Variants in ASAP2 observed in about 807,000 individuals in gnomAD.
ASAP2 encodes arf-GAP with SH3 domain, ANK repeat and PH domain-containing protein 2.
Under a neutral mutation model 131.4 loss-of-function variants are expected in ASAP2, and 45 were observed. The ratio of observed to expected loss-of-function variants is 0.34; its 90% CI spans 0.27 to 0.44. ASAP2 has a LOEUF of 0.44. Among genes scored for constraint, ASAP2 ranks in the 20% least tolerant of loss-of-function variants. ASAP2 has a pLI of 1.00. For missense variants in ASAP2, 1,011 were observed against 1,297.0 expected, an observed-to-expected ratio of 0.78 and a Z score of 3.39; for synonymous variants, 510 against 503.0, an observed-to-expected ratio of 1.01 and a Z score of -0.19.
At chr2:9,390,544 C>T (rs143629144) in intron 22 of ASAP2, among the ~76,000 whole-genome samples, 112 of 152,338 alleles carry the variant, frequency 7.4e-4, no homozygotes, top group African/African-American at 2.6e-3. Context: ...TGTCTGCTTC[C>T]AGCCAGAAAT....
At chr2:9,374,663 G>T (rs951577746) in intron 16 of ASAP2, 92 bp from the exon 17 acceptor site, 2 of 1,261,114 alleles carry the variant, frequency 1.6e-6, no homozygotes, top group Non-Finnish European at 1.1e-6. Context: ...GGGACATGGC[G>T]CAGGAACCGT....
At chr2:9,263,531 A>G (rs1042636565) in intron 1 of ASAP2, among the ~76,000 whole-genome samples, 1 of 152,230 alleles carries the variant, frequency 6.6e-6, no homozygotes, top group Non-Finnish European at 1.5e-5. Flanking sequence ...GCCTTTTGAC[A>G]GAATTGGAGT....
In ASAP2 at chr2:9,385,319, C is replaced by G; in HGVS notation, c.2091C>G (p.Asp697Glu). The G allele has an allele frequency of 6.2e-7, 1 of 1,614,186 alleles. No homozygotes were observed. The highest frequency in any genetic ancestry group is 8.5e-7 in the Non-Finnish European group (1 of 1,180,000). Residue 697 changes from aspartate to glutamate, a missense_variant, in exon 21 of 28, where the codon GAC becomes GAG. Coordinates refer to ENST00000281419, the MANE Select transcript of ASAP2 (RefSeq NM_003887.3). Reference protein sequence around the residue: ...VEYEWRLLHEDLDESDDDMDE... With the variant: ...VEYEWRLLHEELDESDDDMDE... ...ATGAATGGCGACTACTCCACGAAGA[C>G]CTGGATGAAAGTGATGACGACATGG...
chr2:9,388,466 G>T lies in ASAP2; in HGVS notation c.2303G>T (p.Ser768Ile), dbSNP rs1171053543. 1.2e-6 allele frequency: 2 copies of T among 1,614,108 alleles called. No individual in the cohort carries two copies. The highest frequency in any genetic ancestry group is 4.5e-5 in the East Asian group (2 of 44,880). Reference protein sequence around the residue: ...LQNETYGALLSGSPPPAQPAA... With the variant: ...LQNETYGALLIGSPPPAQPAA... The stretch of plus-strand genomic sequence containing the variant: ...AATGAGACTTACGGAGCCCTCCTGA[G>T]TGGCAGCCCACCTCCCGCCCAGCCT... The change falls in exon 22 of 28, where the codon AGT (serine) becomes ATT (isoleucine). Residue 768 changes from serine to isoleucine, a missense_variant. Ser to Ile is a moderately radical substitution (Grantham distance 142). This residue lies in a region of ASAP2 where 652 missense variants were observed against 698.9 expected (regional missense o/e 0.93). Coordinates refer to ENST00000281419, the MANE Select transcript of ASAP2 (RefSeq NM_003887.3).
At chr2:9,344,255 A>G (rs969243090) in intron 9 of ASAP2, among the ~76,000 whole-genome samples, 11 of 152,110 alleles carry the variant, frequency 7.2e-5, no homozygotes, top group African/African-American at 2.2e-4. Flanking sequence ...AAGGCTCGTA[A>G]TGAAATAAAA....
At chr2:9,317,561 C>T (rs1669837586) in intron 3 of ASAP2, among the ~76,000 whole-genome samples, 2 of 125,200 alleles carry the variant, frequency 1.6e-5, no homozygotes, top group South Asian at 4.6e-4. Flanking sequence ...TCCACAATCA[C>T]ACTCTCACAC....
intron 11 of ASAP2, among the ~76,000 whole-genome samples, chr2:9,348,277 C>A (rs1261510864): frequency 6.6e-6 from 1 of 151,472 alleles, no homozygotes; most frequent in Admixed American, 6.6e-5. Context: ...CCACCATGCC[C>A]AGCTAATTTT....
At chr2:9,324,623 C>T (rs1247880668) in intron 6 of ASAP2, among the ~76,000 whole-genome samples, 1 of 152,182 alleles carries the variant, frequency 6.6e-6, no homozygotes, top group Non-Finnish European at 1.5e-5. Context: ...AATTGTACCA[C>T]TCCCCCAGTA....
intron 20 of ASAP2, among the ~76,000 whole-genome samples, chr2:9,382,070 G>A (rs940450930): frequency 2.9e-5 from 4 of 139,668 alleles, no homozygotes; most frequent in Middle Eastern, 4.0e-3. Flanking sequence ...TGCAACCTCC[G>A]CCTCCCAGGT....
At chr2:9,301,603 C>T (rs1401986288) in intron 3 of ASAP2, among the ~76,000 whole-genome samples, 1 of 152,078 alleles carries the variant, frequency 6.6e-6, no homozygotes, top group East Asian at 1.9e-4. Context: ...TCTCTGTCTC[C>T]AGTGTTAGAG....
At chr2:9,260,040 T>A in intron 1 of ASAP2, among the ~76,000 whole-genome samples, 1 of 98,638 alleles carries the variant, frequency 1.0e-5, no homozygotes, top group East Asian at 2.0e-4. Flanking sequence ...GGCTGGCCTC[T>A]CCCCGAGTCA....
intron 4 of ASAP2, 60 bp downstream of exon 4, chr2:9,318,658 C>A: frequency 2.4e-6 from 3 of 1,241,774 alleles, no homozygotes; most frequent in South Asian, 1.4e-5. Flanking sequence ...GTCACAGTAG[C>A]TTGGCCTGCC....
intron 1 of ASAP2, among the ~76,000 whole-genome samples, chr2:9,270,952 C>T (rs986882341): frequency 3.3e-5 from 5 of 151,690 alleles, no homozygotes; most frequent in African/African-American, 7.3e-5. Flanking sequence ...GCCACTACGC[C>T]CGGCTAATTT....
chr2:9,219,452 C>A (rs930995940), intron 1 of ASAP2, among the ~76,000 whole-genome samples: 5 of 152,160 alleles, frequency 3.3e-5, no homozygotes, highest in African/African-American at 1.2e-4. Context: ...GTTCTCTGAC[C>A]ATCCTCCCTG....
chr2:9,345,108 C>A (rs16866995), intron 11 of ASAP2, among the ~76,000 whole-genome samples: 1,884 of 151,760 alleles, frequency 0.012, 35 homozygotes, highest in African/African-American at 0.044. Flanking sequence ...GCCAGGTTGT[C>A]TTTATTTAGA....
chr2:9,403,576 G>T lies in ASAP2; in HGVS notation c.*249G>T. On this transcript the variant is annotated 3_prime_UTR_variant, in exon 28 of 28. Transcript: ENST00000281419. ...AATTTCCCAACAGGTGAACTGAAAA[G>T]TTATTTTAACTATTATACATAATCA... 2.0e-6 allele frequency: 1 copy of T among 490,636 alleles called. No homozygotes were observed. Among genetic ancestry groups the T allele is most frequent in the South Asian group, 2.9e-5 (1 of 33,958 alleles). 30.4% of individuals were successfully genotyped at this position (490,636 alleles called of 1,614,324 possible). A position where few individuals can be genotyped will look rare whatever the true frequency, so the allele number is the denominator to read the frequency against.
intron 12 of ASAP2, among the ~76,000 whole-genome samples, chr2:9,355,473 A>G (rs1672634874): frequency 6.6e-6 from 1 of 152,200 alleles, no homozygotes; most frequent in Non-Finnish European, 1.5e-5. Context: ...TGCTGCACAC[A>G]CACACAGGTC....
chr2:9,245,605 T>C (rs1664283931), intron 1 of ASAP2, among the ~76,000 whole-genome samples: 1 of 152,206 alleles, frequency 6.6e-6, no homozygotes, highest in African/African-American at 2.4e-5. Context: ...AGCACCACTC[T>C]TTCTCTTTGT....
In ASAP2 at chr2:9,307,876, G is replaced by A. The variant is rs563004997; in HGVS notation, c.345+10431G>A. Among the ~76,000 whole-genome samples the A allele has an allele frequency of 7.9e-4, 120 of 152,346 alleles. 1 individual carries two copies. Among genetic ancestry groups the A allele is most frequent in the South Asian group, 2.5e-3 (12 of 4,832 alleles). On this transcript the variant is annotated intron_variant, in intron 3 of 27. Transcript: ENST00000281419. ...ACAGCGACTGTGCTGCCAGGGACGGGCTGGGCGCATCTGTTCAGGAGGGCC... is the reference window on the plus strand; with the variant it reads ...ACAGCGACTGTGCTGCCAGGGACGGACTGGGCGCATCTGTTCAGGAGGGCC...
Sources: gnomAD v4.1 joint callset for allele counts (sites outside exome capture counted in the v4.1 genomes callset) on GRCh38, gnomAD v4.1.1 for gene constraint, gnomAD v4.1.1 regional missense constraint, MANE v1.5 for transcripts, NCBI Gene and HGNC (gene_info 2026-07-23, HGNC 2026-07-21) for gene names.